OCRL: variants seen among roughly 807,000 people sequenced by gnomAD.
The protein encoded by OCRL is OCRL inositol polyphosphate-5-phosphatase.
In OCRL, 8 loss-of-function variants were observed where a neutral mutation model predicts 78.9. That is an observed-to-expected ratio of 0.10 (90% CI 0.06 to 0.18). The LOEUF (loss-of-function observed/expected upper bound fraction) is 0.18, where lower values mean the gene tolerates loss of function less well. OCRL is among the 10% of genes least tolerant of loss of function. The probability of loss-of-function intolerance (pLI) is 1.00; values close to 1 mark genes in which losing one functional copy is unlikely to be tolerated. For missense variants in OCRL, 454 were observed against 696.7 expected (o/e 0.65, Z 3.92); for synonymous variants, 240 against 235.4 (o/e 1.02, Z -0.18).
At chrX:129,547,201 C>T (rs1437855199) in intron 3 of OCRL, among the ~76,000 whole-genome samples, 2 of 110,945 alleles carry the variant, frequency 1.8e-5, no homozygotes, top group Non-Finnish European at 3.8e-5. Context: ...TGCATGCTAA[C>T]CTGGGTGAGA....
At chrX:129,556,112 CAG>C (rs1396201949) in intron 4 of OCRL, among the ~76,000 whole-genome samples, 1 of 111,864 alleles carries the variant, frequency 8.9e-6, no homozygotes, top group Non-Finnish European at 1.9e-5. Flanking sequence ...TTTACAAAGA[CAG>C]AAAGAAGAAG....
At chrX:129,589,484 A>G in intron 22 of OCRL, 1 of 296,149 alleles carries the variant, frequency 3.4e-6, no homozygotes, top group East Asian at 7.6e-5. Context: ...AAAGAAAACC[A>G]TTCAAACAAA....
chrX:129,565,059 T>A (rs993920305), intron 12 of OCRL, among the ~76,000 whole-genome samples: 7 of 111,717 alleles, frequency 6.3e-5, no homozygotes, highest in Admixed American at 2.8e-4. Flanking sequence ...AAAAATTTAT[T>A]TTCCCAGATT....
In OCRL at chrX:129,540,735, C is replaced by T. The variant is rs750950235; in HGVS notation, c.40-9C>T. The T allele has an allele frequency of 8.3e-7, 1 of 1,204,930 alleles. No individual in the cohort carries two copies. The highest frequency in any genetic ancestry group is 1.8e-5 in the South Asian group (1 of 56,780). Reference sequence around the variant, plus strand: ...GCTTCCGAAGGAGACCCTTGACTAGCGCCCGCATACTGTCGAGGGTATGGA... The same window carrying T: ...GCTTCCGAAGGAGACCCTTGACTAGTGCCCGCATACTGTCGAGGGTATGGA... On this transcript the variant is annotated splice_polypyrimidine_tract_variant and intron_variant, in intron 1 of 23. Coordinates refer to ENST00000371113, the MANE Select transcript of OCRL (RefSeq NM_000276.4).
At position 129,590,263 on chromosome X, in the gene OCRL, A is replaced by G; in HGVS notation, c.2699A>G (p.Glu900Gly). 8.3e-7 allele frequency: 1 copy of G among 1,211,257 alleles called. No individual in the cohort carries two copies. Among genetic ancestry groups the G allele is most frequent in the Non-Finnish European group, 1.1e-6 (1 of 895,338 alleles). ...FLLGFLLGSE[E>G]D ...CTGGGCTTTCTGCTTGGGAGCGAAG[A>G]AGACTAAGGCTTTTACTGTTCTCTG... is the stretch of plus-strand genomic sequence containing the variant. The change falls in exon 24 of 24, where the codon GAA becomes GGA. Residue 900 changes from glutamate (E) to glycine (G), a missense_variant. Coordinates refer to ENST00000371113, the MANE Select transcript of OCRL (RefSeq NM_000276.4).
Position 129,589,938 on chromosome X carries a change from G to A in OCRL, c.2563G>A (p.Val855Ile), listed in dbSNP as rs376280495. 34 of 1,200,429 alleles carry A rather than the reference G, an allele frequency of 2.8e-5. No individual in the cohort carries two copies. The highest frequency in any genetic ancestry group is 3.2e-5 in the Non-Finnish European group (28 of 886,413). The stretch of plus-strand genomic sequence containing the variant: ...CTTAAAATTCTCTGAATACAATAGC[G>A]TCAATGCCAACATGATCGGTAAGAG... ...ELLKFSEYNS[V>I]NANMIATLFT... The change falls in exon 23 of 24, where the codon GTC (valine) becomes ATC (isoleucine). Residue 855 changes from valine to isoleucine, a missense_variant. Val to Ile is a conservative substitution (Grantham distance 29). Around this residue, in one of 2 missense-constraint regions of OCRL, gnomAD observed 277 missense variants for 517.1 expected, o/e 0.54. Transcript: ENST00000371113.
chrX:129,551,034 A>G (rs992974532), intron 4 of OCRL, among the ~76,000 whole-genome samples: 1 of 109,918 alleles, frequency 9.1e-6, no homozygotes, highest in African/African-American at 3.3e-5. Flanking sequence ...TCTTTTTGGT[A>G]TTTATGGAGA....
At chrX:129,563,940 C>T (rs1201376981) in intron 12 of OCRL, among the ~76,000 whole-genome samples, 2 of 107,646 alleles carry the variant, frequency 1.9e-5, no homozygotes, top group Non-Finnish European at 3.9e-5. Context: ...AACAGGCAAC[C>T]TACAAAATGG....
At chrX:129,557,492 CATGCTG>C (rs1360818689) in intron 5 of OCRL, 57 bp downstream of exon 5, 10 of 1,020,843 alleles carry the variant, frequency 9.8e-6, no homozygotes, top group Non-Finnish European at 1.2e-5. Context: ...GGAATTCTGA[CATGCTG>C]ATACAGAGGA....
At position 129,567,367 on chromosome X, in the gene OCRL, A is replaced by G. The variant is rs1026438062; in HGVS notation, c.1466+4A>G. On this transcript the variant is annotated splice_donor_region_variant and intron_variant, in intron 14 of 23. Coordinates refer to ENST00000371113, the MANE Select transcript of OCRL (RefSeq NM_000276.4). ...AAACAGACCGGTGGGATTCCAGGTA[A>G]AGTAATAAGAACCTTCTCACAGAGA... 1.8e-6 allele frequency: 2 copies of G among 1,091,048 alleles called. No homozygotes were observed. Among genetic ancestry groups the G allele is most frequent in the Non-Finnish European group, 2.5e-6 (2 of 785,710 alleles). 89.9% of individuals were successfully genotyped at this position (1,091,048 alleles called of 1,213,427 possible). A position where few individuals can be genotyped will look rare whatever the true frequency, so the allele number is the denominator to read the frequency against.
chrX:129,588,918 C>T lies in OCRL; in HGVS notation c.2374C>T (p.Leu792Phe), dbSNP rs1479790781. 1.7e-6 allele frequency: 2 copies of T among 1,211,609 alleles called. No homozygotes were observed. Among genetic ancestry groups the T allele is most frequent in the Non-Finnish European group, 2.2e-6 (2 of 895,282 alleles). Residue 792 changes from leucine (L) to phenylalanine (F), a missense_variant, in exon 22 of 24, where the codon CTC (leucine) becomes TTC (phenylalanine). Around this residue, in one of 2 missense-constraint regions of OCRL, gnomAD observed 277 missense variants for 517.1 expected, o/e 0.54. Coordinates refer to ENST00000371113, the MANE Select transcript of OCRL (RefSeq NM_000276.4). ...CAACCACTCTGTGGCTGAAGCACTGCTCATTTTCTTGGAAGCCCTGCCAGA... is the reference window on the plus strand; with the variant it reads ...CAACCACTCTGTGGCTGAAGCACTGTTCATTTTCTTGGAAGCCCTGCCAGA... ...GSNHSVAEAL[L>F]IFLEALPEPV...
At chrX:129,547,137 G>A (rs781016063) in intron 3 of OCRL, among the ~76,000 whole-genome samples, 1 of 111,539 alleles carries the variant, frequency 9.0e-6, no homozygotes, top group South Asian at 3.8e-4. Flanking sequence ...GCTGAAGCAG[G>A]AGGGTTGCTT....
chrX:129,552,888 C>T (rs964895302), intron 4 of OCRL, among the ~76,000 whole-genome samples: 2 of 112,282 alleles, frequency 1.8e-5, no homozygotes, highest in African/African-American at 6.5e-5. Flanking sequence ...AATACAGTAG[C>T]CACTGGCTAC....
intron 17 of OCRL, 56 bp from the exon 18 acceptor site, chrX:129,576,261 T>C: frequency 9.3e-7 from 1 of 1,079,440 alleles, no homozygotes; most frequent in Non-Finnish European, 1.3e-6. Flanking sequence ...TTATACTCTT[T>C]TTTGCTTTCC....
At chrX:129,575,099 A>G (rs1462806444) in intron 15 of OCRL, 41 bp from the exon 16 acceptor site, 2 of 928,381 alleles carry the variant, frequency 2.2e-6, no homozygotes, top group Admixed American at 2.2e-5. Context: ...GAGATGAGCT[A>G]GAAGGATATA....
At chrX:129,574,040 G>A (rs1020440096) in intron 15 of OCRL, among the ~76,000 whole-genome samples, 20 of 111,821 alleles carry the variant, frequency 1.8e-4, no homozygotes, top group African/African-American at 6.5e-4. Context: ...ATATTCTTTT[G>A]GGTATATACC....
At chrX:129,546,690 G>A (rs1935882865) in intron 3 of OCRL, among the ~76,000 whole-genome samples, 1 of 111,549 alleles carries the variant, frequency 9.0e-6, no homozygotes, top group Admixed American at 9.5e-5. Flanking sequence ...CAAAGAACAT[G>A]ACTTTAAATT....
chrX:129,569,508 A>G, intron 15 of OCRL, 109 bp downstream of exon 15: 1 of 864,102 alleles, frequency 1.2e-6, no homozygotes. Flanking sequence ...AATGTTCCAT[A>G]ACCAAATAAC....
chrX:129,589,617 C>T (rs944279668), intron 22 of OCRL: 3 of 424,727 alleles, frequency 7.1e-6, no homozygotes, highest in South Asian at 3.3e-5. Flanking sequence ...GTGATGACCA[C>T]GTGGCCTGGT....
Sources: gnomAD v4.1 joint callset for allele counts (sites outside exome capture counted in the v4.1 genomes callset) on GRCh38, gnomAD v4.1.1 for gene constraint, gnomAD v4.1.1 regional missense constraint, MANE v1.5 for transcripts, NCBI Gene and HGNC (gene_info 2026-07-23, HGNC 2026-07-21) for gene names.